The following CDH2 variants were observed in gnomAD, a reference collection of about 807,000 sequenced individuals.
The protein encoded by CDH2 is cadherin-2.
In CDH2, 17 loss-of-function variants were observed where a neutral mutation model predicts 92.0. The ratio of observed to expected loss-of-function variants is 0.18; its 90% CI spans 0.13 to 0.28. The LOEUF (loss-of-function observed/expected upper bound fraction) is 0.28, where lower values mean the gene tolerates loss of function less well. CDH2 is among the 10% of genes least tolerant of loss of function. The pLI is 1.00. For missense variants in CDH2, 862 were observed against 1,133.1 expected, an observed-to-expected ratio of 0.76 and a Z score of 3.44; for synonymous variants, 419 against 415.9, an observed-to-expected ratio of 1.01 and a Z score of -0.09.
chr18:27,983,176 T>C (rs556664824), intron 13 of CDH2, 93 bp from the exon 14 acceptor site: 10 of 927,968 alleles, frequency 1.1e-5, no homozygotes, highest in Admixed American at 2.5e-5. Flanking sequence ...TTTATACTTA[T>C]ATGAACTGAA....
chr18:27,980,228 C>A (rs2011999258), intron 14 of CDH2, among the ~76,000 whole-genome samples: 1 of 152,166 alleles, frequency 6.6e-6, no homozygotes, highest in Admixed American at 6.5e-5. Context: ...CTCAGGGAGT[C>A]TGCACCCACC....
At chr18:28,139,410 T>C (rs2015917136) in intron 2 of CDH2, among the ~76,000 whole-genome samples, 2 of 151,976 alleles carry the variant, frequency 1.3e-5, no homozygotes, top group African/African-American at 4.8e-5. Context: ...CCCAATTTCT[T>C]CTTTTTCTTT....
chr18:27,995,772 C>G (rs140007951), intron 7 of CDH2, among the ~76,000 whole-genome samples: 2 of 152,010 alleles, frequency 1.3e-5, no homozygotes, highest in Middle Eastern at 3.2e-3. Context: ...CAAAAGGACA[C>G]TTGTTATTTC....
intron 7 of CDH2, among the ~76,000 whole-genome samples, chr18:27,996,148 CAA>C (rs1480818164): frequency 1.3e-5 from 2 of 152,102 alleles, no homozygotes; most frequent in Non-Finnish European, 2.9e-5. Flanking sequence ...GCCTATTTTA[CAA>C]AAGTGATTCC....
intron 1 of CDH2, among the ~76,000 whole-genome samples, chr18:28,157,024 G>A (rs1248963377): frequency 6.6e-6 from 1 of 152,214 alleles, no homozygotes; most frequent in Non-Finnish European, 1.5e-5. Flanking sequence ...TTACCATGAA[G>A]TGGATGCTTA....
intron 2 of CDH2, among the ~76,000 whole-genome samples, chr18:28,092,063 G>A (rs997183988): frequency 6.6e-6 from 1 of 151,820 alleles, no homozygotes; most frequent in East Asian, 1.9e-4. Context: ...GGGCCCACCT[G>A]ATGAAGATCC....
intron 2 of CDH2, among the ~76,000 whole-genome samples, chr18:28,144,684 G>A (rs2144321830): frequency 6.6e-6 from 1 of 152,120 alleles, no homozygotes; most frequent in East Asian, 1.9e-4. Context: ...AGCAGAATCT[G>A]GTTTTGCTAA....
chr18:28,112,597 T>C (rs2015431015), intron 2 of CDH2, among the ~76,000 whole-genome samples: 1 of 152,230 alleles, frequency 6.6e-6, no homozygotes, highest in African/African-American at 2.4e-5. Context: ...ATAGTTCTCA[T>C]GATCATCTTT....
intron 7 of CDH2, among the ~76,000 whole-genome samples, chr18:27,995,246 G>A (rs1302077047): frequency 1.3e-5 from 2 of 150,070 alleles, no homozygotes; most frequent in Non-Finnish European, 3.0e-5. Flanking sequence ...CCCAGGAGGC[G>A]GAGGTTGCAG....
At chr18:28,002,857 A>T in intron 7 of CDH2, 140 bp downstream of exon 7, 1 of 777,292 alleles carries the variant, frequency 1.3e-6, no homozygotes, top group Non-Finnish European at 2.1e-6. Flanking sequence ...AAAAATATAC[A>T]ACAGATTACT....
rs563754457 is a variant in CDH2, at chr18:28,072,616, A to G, written c.173-58707T>C. The stretch of plus-strand genomic sequence containing the variant: ...GAATAATAAAGTAGGTTAGAACATC[A>G]TGTCCAAATAATAGAGACTAAAAAC... On this transcript the variant is annotated intron_variant, in intron 2 of 15. Transcript: ENST00000269141. Among the ~76,000 whole-genome samples the G allele has an allele frequency of 1.8e-3, 268 of 152,366 alleles. 1 individual carries two copies. Among genetic ancestry groups the G allele is most frequent in the African/African-American group, 6.3e-3 (260 of 41,590 alleles).
intron 7 of CDH2, among the ~76,000 whole-genome samples, chr18:27,997,911 A>G (rs1376653984): frequency 6.6e-6 from 1 of 151,798 alleles, no homozygotes; most frequent in African/African-American, 2.4e-5. Context: ...GGTTCACGCC[A>G]TTCTCCTGCC....
intron 2 of CDH2, among the ~76,000 whole-genome samples, chr18:28,025,557 G>A (rs1450284051): frequency 3.3e-5 from 5 of 149,620 alleles, no homozygotes; most frequent in Non-Finnish European, 7.4e-5. Flanking sequence ...ATAAGCGTTT[G>A]CAATTGCAGT....
chr18:28,175,234 CCA>C (rs1194266515), intron 1 of CDH2, among the ~76,000 whole-genome samples: 2 of 152,170 alleles, frequency 1.3e-5, no homozygotes, highest in East Asian at 3.9e-4. Context: ...AGAAGGAATT[CCA>C]TCCACTCTCC....
At chr18:28,039,353 C>A (rs1001609302) in intron 2 of CDH2, among the ~76,000 whole-genome samples, 11 of 152,148 alleles carry the variant, frequency 7.2e-5, no homozygotes, top group Admixed American at 7.2e-4. Flanking sequence ...GGCTGCATTC[C>A]TTCCATGCTA....
intron 2 of CDH2, among the ~76,000 whole-genome samples, chr18:28,086,303 T>TATA (rs1411764616): frequency 6.6e-6 from 1 of 152,174 alleles, no homozygotes; most frequent in East Asian, 1.9e-4. Context: ...ATTAGAACTC[T>TATA]ATAGTTATTC....
intron 2 of CDH2, among the ~76,000 whole-genome samples, chr18:28,033,482 T>A (rs1034315463): frequency 4.0e-5 from 6 of 151,716 alleles, no homozygotes; most frequent in Non-Finnish European, 5.9e-5. Context: ...AGGTGCTCTG[T>A]GTGTGTGTGT....
intron 3 of CDH2, among the ~76,000 whole-genome samples, chr18:28,013,241 ACCC>A (rs891385313): frequency 6.6e-6 from 1 of 152,002 alleles, no homozygotes; most frequent in East Asian, 1.9e-4. Context: ...AATAATTCAT[ACCC>A]CCCAACTGGA....
intron 2 of CDH2, among the ~76,000 whole-genome samples, chr18:28,109,568 C>A (rs1225686787): frequency 6.6e-6 from 1 of 152,034 alleles, no homozygotes; most frequent in Admixed American, 6.6e-5. Context: ...AGGGAATAAC[C>A]ATACAAATAA....
Sources: allele counts gnomAD v4.1 joint callset (sites outside exome capture counted in the v4.1 genomes callset), GRCh38; gene constraint gnomAD v4.1.1; transcripts MANE v1.5; gene names NCBI Gene and HGNC (gene_info 2026-07-23, HGNC 2026-07-21).